NKAIN3: variants seen among roughly 807,000 people sequenced by gnomAD.
NKAIN3 encodes sodium/potassium transporting ATPase interacting 3, also known as sodium/potassium-transporting ATPase subunit beta-1-interacting protein 3.
NKAIN3 carries 25 observed loss-of-function variants against 30.2 expected under a neutral mutation model. The ratio of observed to expected loss-of-function variants is 0.83; its 90% confidence interval spans 0.60 to 1.16. NKAIN3 has a LOEUF of 1.16. Ranked by LOEUF, NKAIN3 falls within the 50% of genes most tolerant of loss-of-function variation. The pLI is 0.00. For synonymous variants in NKAIN3, 91 were observed against 89.6 expected (o/e 1.02, Z -0.09); for missense variants, 225 against 254.1 (o/e 0.89, Z 0.78).
At chr8:62,649,599 C>G (rs1812565760) in intron 3 of NKAIN3, among the ~76,000 whole-genome samples, 1 of 152,178 alleles carries the variant, frequency 6.6e-6, no homozygotes, top group South Asian at 2.1e-4. Context: ...TTGGAGCCCT[C>G]AGTAAGGATG....
At chr8:62,497,721 C>A (rs950085773) in intron 1 of NKAIN3, among the ~76,000 whole-genome samples, 7 of 152,116 alleles carry the variant, frequency 4.6e-5, no homozygotes, top group Admixed American at 4.6e-4. Context: ...TTGAACCTGA[C>A]ACTGAAGCTC....
chr8:62,594,235 G>C (rs1316834766), intron 3 of NKAIN3, among the ~76,000 whole-genome samples: 2 of 151,952 alleles, frequency 1.3e-5, no homozygotes, highest in Non-Finnish European at 2.9e-5. Flanking sequence ...GAAAATAGAG[G>C]AGGAGGGACC....
At chr8:62,570,404 GACAT>G (rs1360690413) in intron 1 of NKAIN3, among the ~76,000 whole-genome samples, 1 of 152,142 alleles carries the variant, frequency 6.6e-6, no homozygotes, top group African/African-American at 2.4e-5. Flanking sequence ...TGCTGACAAA[GACAT>G]ACTCGAGACA....
intron 1 of NKAIN3, among the ~76,000 whole-genome samples, chr8:62,505,397 C>A (rs1391671523): frequency 3.9e-5 from 6 of 152,088 alleles, no homozygotes. Context: ...TTATGAAAAG[C>A]AAAATTTCTC....
At chr8:62,809,047 G>A (rs987718264) in intron 4 of NKAIN3, among the ~76,000 whole-genome samples, 1 of 152,108 alleles carries the variant, frequency 6.6e-6, no homozygotes, top group East Asian at 1.9e-4. Flanking sequence ...GTTCCTTGGT[G>A]AGAAAAAGAA....
At chr8:62,954,189 A>G (rs1051017740) in intron 6 of NKAIN3, among the ~76,000 whole-genome samples, 4 of 152,226 alleles carry the variant, frequency 2.6e-5, no homozygotes, top group African/African-American at 9.6e-5. Flanking sequence ...TTTCAAAAAC[A>G]ATAGTTCTGT....
chr8:62,543,460 G>A (rs974613669), intron 1 of NKAIN3, among the ~76,000 whole-genome samples: 6 of 152,194 alleles, frequency 3.9e-5, no homozygotes, highest in East Asian at 1.9e-4. Context: ...CAGAACAGAT[G>A]ATGTTGCTCA....
At chr8:62,640,971 C>T (rs950949709) in intron 3 of NKAIN3, among the ~76,000 whole-genome samples, 4 of 152,028 alleles carry the variant, frequency 2.6e-5, no homozygotes, top group South Asian at 2.1e-4. Flanking sequence ...TAGTAAAAGT[C>T]AGACACTGTG....
chr8:62,791,101 C>T (rs974861998), intron 4 of NKAIN3, among the ~76,000 whole-genome samples: 1 of 152,062 alleles, frequency 6.6e-6, no homozygotes, highest in Non-Finnish European at 1.5e-5. Context: ...AATCTCACTT[C>T]TGCTGCATCC....
chr8:62,434,282 A>T (rs1728164403), intron 1 of NKAIN3, among the ~76,000 whole-genome samples: 1 of 152,156 alleles, frequency 6.6e-6, no homozygotes, highest in Admixed American at 6.5e-5. Flanking sequence ...TGCTGCCATC[A>T]CTAAGTGATG....
At chr8:62,304,624 C>G (rs932006970) in intron 1 of NKAIN3, among the ~76,000 whole-genome samples, 1 of 150,350 alleles carries the variant, frequency 6.7e-6, no homozygotes, top group South Asian at 2.1e-4. Flanking sequence ...AATTGAAACC[C>G]AGCAGGTATG....
chr8:62,783,498 CAG>C (rs1488296477), intron 4 of NKAIN3, among the ~76,000 whole-genome samples: 1 of 151,728 alleles, frequency 6.6e-6, no homozygotes, highest in Non-Finnish European at 1.5e-5. Flanking sequence ...GAATGAGACA[CAG>C]AGAATTAGCA....
chr8:62,646,699 C>T (rs999046677), intron 3 of NKAIN3, among the ~76,000 whole-genome samples: 4 of 152,086 alleles, frequency 2.6e-5, no homozygotes, highest in African/African-American at 9.7e-5. Context: ...AAATCACCAT[C>T]GGCATCTTCT....
chr8:62,930,773 G>A (rs976702930), intron 5 of NKAIN3, among the ~76,000 whole-genome samples: 2 of 149,280 alleles, frequency 1.3e-5, no homozygotes, highest in South Asian at 2.1e-4. Context: ...GCGCGATCTC[G>A]GCTCACTGCA....
At chr8:62,438,612 A>C (rs1427034178) in intron 1 of NKAIN3, among the ~76,000 whole-genome samples, 1 of 152,026 alleles carries the variant, frequency 6.6e-6, no homozygotes, top group East Asian at 1.9e-4. Flanking sequence ...TCCAGGCTGG[A>C]GTGCAGTGGC....
chr8:62,464,794 C>T (rs974760113), intron 1 of NKAIN3, among the ~76,000 whole-genome samples: 6 of 152,140 alleles, frequency 3.9e-5, no homozygotes, highest in African/African-American at 1.2e-4. Context: ...ATTGACATTT[C>T]ACAGGCCTAA....
chr8:62,562,674 G>A (rs978134852), intron 1 of NKAIN3, among the ~76,000 whole-genome samples: 98 of 152,014 alleles, frequency 6.4e-4, no homozygotes, highest in Non-Finnish European at 2.8e-4. Context: ...TTACTTAAGC[G>A]TTTCTTGTAC....
intron 1 of NKAIN3, among the ~76,000 whole-genome samples, chr8:62,277,115 A>G (rs1812988442): frequency 6.6e-6 from 1 of 152,214 alleles, no homozygotes; most frequent in Non-Finnish European, 1.5e-5. Context: ...TTTAAAAACT[A>G]TTTTTGAAAG....
chr8:62,631,819 A>G (rs1036760994), intron 3 of NKAIN3, among the ~76,000 whole-genome samples: 12 of 152,130 alleles, frequency 7.9e-5, no homozygotes, highest in Non-Finnish European at 1.5e-4. Flanking sequence ...CAGCCACCCT[A>G]CTGCCATCTT....
Sources: gnomAD v4.1 joint callset for allele counts (sites outside exome capture counted in the v4.1 genomes callset) on GRCh38, gnomAD v4.1.1 for gene constraint, MANE v1.5 for transcripts, NCBI Gene and HGNC (gene_info 2026-07-23, HGNC 2026-07-21) for gene names.